Variants in RIF1 observed in about 807,000 individuals in gnomAD.
The protein encoded by RIF1 is telomere-associated protein RIF1.
A neutral mutation model predicts 247.1 loss-of-function variants in RIF1; 45 were observed. The ratio of observed to expected loss-of-function variants is 0.18; its 90% confidence interval spans 0.14 to 0.23. The LOEUF (loss-of-function observed/expected upper bound fraction) is 0.23, where lower values mean the gene tolerates loss of function less well. RIF1 is among the 10% of genes least tolerant of loss of function. RIF1 has a pLI of 1.00. For synonymous variants in RIF1, 1,087 were observed against 978.8 expected (o/e 1.11, Z -2.06); for missense variants, 2,967 against 2,862.5 (o/e 1.04, Z -0.83).
chr2:151,457,846 C>T lies in RIF1; in HGVS notation c.2738C>T (p.Ser913Phe). The change falls in exon 24 of 36, where the codon TCC becomes TTC. Residue 913 changes from serine to phenylalanine, a missense_variant. Coordinates refer to ENST00000444746, the MANE Select transcript of RIF1 (RefSeq NM_018151.5). ...TYDSELLEQL[S>F]PLLCIIFLHK... is the part of the protein sequence containing the mutation. The stretch of plus-strand genomic sequence containing the variant: ...GATAGTGAACTTCTTGAACAACTCT[C>T]CCCACTATTATGCATAATATTTCTG... 8 of 1,613,598 alleles carry T rather than the reference C, an allele frequency of 5.0e-6. No homozygotes were observed. Among genetic ancestry groups the T allele is most frequent in the Non-Finnish European group, 6.8e-6 (8 of 1,179,612 alleles).
In RIF1 at chr2:151,501,396, T is replaced by C. The variant is rs1357652737; in HGVS notation, c.*710-1638T>C. On this transcript the variant is annotated intron_variant and NMD_transcript_variant, in intron 11 of 13. Transcript: ENST00000454583. ...AAGAGCTTTCTCCCAAATACCGAGC[T>C]AAAGTTTTCTTGATTGAGTTTGACT... 5.8e-6 allele frequency: 9 copies of C among 1,547,222 alleles called. No homozygotes were observed. In the East Asian group the frequency reaches 1.7e-4, roughly 29 times the overall value.
At chr2:151,424,036 T>A (rs1688595774) in intron 8 of RIF1, among the ~76,000 whole-genome samples, 1 of 152,208 alleles carries the variant, frequency 6.6e-6, no homozygotes, top group Non-Finnish European at 1.5e-5. Flanking sequence ...TTATTCTAGG[T>A]ACCTCATAAA....
Position 151,468,059 on chromosome 2 carries a change from T to C in RIF1, c.6660T>C (p.Asp2220=), listed in dbSNP as rs767806758. ...IYQAGLADDI[D]RRCSIVRSHS... ...AAGCAGGATTGGCAGATGACATTGA[T>C]AGACGGTGCTCTATTGTTAGGTCCC... Residue 2220 remains aspartate, a synonymous_variant, in exon 31 of 36, where the codon GAT becomes GAC. Transcript: ENST00000444746. 2.5e-5 allele frequency: 41 copies of C among 1,613,722 alleles called. No individual in the cohort carries two copies. In the East Asian group the frequency reaches 8.7e-4, roughly 34 times the overall value.
In RIF1 at chr2:151,481,887, A is replaced by G. The variant is rs1399369663; in HGVS notation, c.*6816A>G. The stretch of plus-strand genomic sequence containing the variant: ...GAACAGTCTCATCCTGAAACCATCT[A>G]CCCCAACACCTGTGTCTGTGGAAAT... On this transcript the variant is annotated 3_prime_UTR_variant, in exon 36 of 36. Coordinates refer to ENST00000444746, the MANE Select transcript of RIF1 (RefSeq NM_018151.5). The G allele has an allele frequency of 3.9e-5, 6 of 152,122 alleles. No individual in the cohort carries two copies. Among genetic ancestry groups the G allele is most frequent in the African/African-American group, 1.4e-4 (6 of 41,420 alleles). The allele number at this position is 152,122 out of a possible 1,614,324, so 9.4% of individuals were successfully genotyped here. A position where few individuals can be genotyped will look rare whatever the true frequency, so the allele number is the denominator to read the frequency against.
At chr2:151,441,780 T>C in intron 15 of RIF1, 125 bp from the exon 16 acceptor site, 1 of 472,980 alleles carries the variant, frequency 2.1e-6, no homozygotes, top group Non-Finnish European at 3.9e-6. Context: ...TTTTAACTAA[T>C]GAGATTATAT....
At position 151,474,039 on chromosome 2, in the gene RIF1, T is replaced by C. The variant is rs1251334197; in HGVS notation, c.7171T>C (p.Ser2391Pro). The C allele has an allele frequency of 6.4e-7, 1 of 1,572,680 alleles. No homozygotes were observed. Among genetic ancestry groups the C allele is most frequent in the Admixed American group, 1.7e-5 (1 of 59,192 alleles). The change falls in exon 35 of 36, where the codon TCT becomes CCT. Residue 2391 changes from serine to proline, a missense_variant. Transcript: ENST00000444746. ...EKTVNGIENK[S>P]LSPDEERLVS... ...AACAGTAAATGGAATAGAAAATAAA[T>C]CTTTGTCACCTGATGAAGAAAGACT...
chr2:151,469,076 A>T (rs964211973), intron 33 of RIF1, among the ~76,000 whole-genome samples: 21 of 152,190 alleles, frequency 1.4e-4, no homozygotes, highest in African/African-American at 5.1e-4. Context: ...AAAGATTACC[A>T]GCAAAACCAC....
At chr2:151,501,523 A>G (rs752989502) in intron 11 of RIF1, 2 of 1,207,312 alleles carry the variant, frequency 1.7e-6, no homozygotes, top group South Asian at 4.6e-5. Flanking sequence ...ACCTGGACCC[A>G]TCATTTTTTA....
chr2:151,449,828 T>C (rs1693955187), intron 20 of RIF1, among the ~76,000 whole-genome samples: 2 of 149,692 alleles, frequency 1.3e-5, no homozygotes, highest in Non-Finnish European at 3.0e-5. Context: ...AGTGATCATA[T>C]AGACTACTTT....
At chr2:151,435,662 AAAGGCTTTGAG>A in intron 11 of RIF1, 82 bp downstream of exon 11, 1 of 734,030 alleles carries the variant, frequency 1.4e-6, no homozygotes, top group East Asian at 2.5e-5. Flanking sequence ...TAGGAAAAAA[AAAGGCTTTGAG>A]AGGTTTTGCT....
rs2049185906 is a variant in RIF1, at chr2:151,481,954, A to T, written c.*6883A>T. On this transcript the variant is annotated 3_prime_UTR_variant, in exon 36 of 36. Transcript: ENST00000444746. The stretch of plus-strand genomic sequence containing the variant: ...GTCCCTGTTGAAAAAAGGTTAGGGG[A>T]CCACTGCTTTATACAGTGTTTGAAG... 1 of 152,218 alleles carries T rather than the reference A, an allele frequency of 6.6e-6. No homozygotes were observed. Among genetic ancestry groups the T allele is most frequent in the African/African-American group, 2.4e-5 (1 of 41,452 alleles). 9.4% of individuals were successfully genotyped at this position (152,218 alleles called of 1,614,324 possible).
In RIF1 at chr2:151,422,982, G is replaced by C; in HGVS notation, c.726G>C (p.Met242Ile). 6.3e-7 allele frequency: 1 copy of C among 1,590,740 alleles called. No homozygotes were observed. The highest frequency in any genetic ancestry group is 8.6e-7 in the Non-Finnish European group (1 of 1,161,484). The change falls in exon 8 of 36, where the codon ATG becomes ATC. Residue 242 changes from methionine (M) to isoleucine (I), a missense_variant. Physicochemically the swap from Met to Ile is conservative, Grantham distance 10. Transcript: ENST00000444746. ...KLISELQKLF[M>I]SKNETYVLKL... The stretch of plus-strand genomic sequence containing the variant: ...TCTCAGAACTTCAGAAGCTATTTAT[G>C]AGTAAAAATGAGACTTACGTGTTAA...
intron 34 of RIF1, among the ~76,000 whole-genome samples, chr2:151,473,394 C>G (rs961564298): frequency 2.0e-5 from 3 of 149,298 alleles, no homozygotes; most frequent in Admixed American, 6.8e-5. Flanking sequence ...CTCCTGGACT[C>G]AAGCAGTTCT....
chr2:151,411,573 G>T lies in RIF1; in HGVS notation c.183+235G>T, dbSNP rs951118487. Among the ~76,000 whole-genome samples, 19 of 151,944 alleles carry T rather than the reference G, an allele frequency of 1.3e-4. 1 individual carries two copies. Among genetic ancestry groups the T allele is most frequent in the African/African-American group, 4.6e-4 (19 of 41,366 alleles). ...ATCCGCCACCGCCCCGGCTAATTTT[G>T]TATTTTTAGTAGAGAAGGGGTTTCT... On this transcript the variant is annotated intron_variant, in intron 3 of 35. Transcript: ENST00000444746.
In RIF1 at chr2:151,464,099, G is replaced by C. The variant is rs765742889; in HGVS notation, c.4579G>C (p.Glu1527Gln). The C allele has an allele frequency of 1.2e-6, 2 of 1,612,924 alleles. No individual in the cohort carries two copies. The highest frequency in any genetic ancestry group is 1.7e-6 in the Non-Finnish European group (2 of 1,179,766). Residue 1527 changes from glutamate (E) to glutamine (Q), a missense_variant, in exon 30 of 36, where the codon GAG (glutamate) becomes CAG (glutamine). This residue lies in a region of RIF1 where 2,028 missense variants were observed against 1,825.6 expected (regional missense o/e 1.11). Coordinates refer to ENST00000444746, the MANE Select transcript of RIF1 (RefSeq NM_018151.5). ...GTQDIVDKSS[E>Q]KLVRGRTRYQ... Reference sequence around the variant, plus strand: ...CCAGGACATTGTAGATAAGTCCTCTGAGAAACTAGTCAGAGGCCGAACACG... The same window carrying C: ...CCAGGACATTGTAGATAAGTCCTCTCAGAAACTAGTCAGAGGCCGAACACG...
At chr2:151,439,507 A>T (rs1484216316) in intron 14 of RIF1, among the ~76,000 whole-genome samples, 1 of 151,798 alleles carries the variant, frequency 6.6e-6, no homozygotes, top group Non-Finnish European at 1.5e-5. Context: ...TCTACTAAAA[A>T]TACGAAATTA....
intron 16 of RIF1, among the ~76,000 whole-genome samples, chr2:151,442,679 A>G (rs1464476300): frequency 6.6e-6 from 1 of 151,956 alleles, no homozygotes; most frequent in Non-Finnish European, 1.5e-5. Flanking sequence ...GTAAGTTTTA[A>G]ATCTATGTTC....
the RIF1 span, chr2:151,518,918 C>T: frequency 1.5e-6 from 2 of 1,345,550 alleles, no homozygotes; most frequent in Admixed American, 3.4e-5. Context: ...GAATTTAGTT[C>T]CAAATGGGTA....
chr2:151,507,045 T>G, intron 13 of RIF1: 3 of 1,272,896 alleles, frequency 2.4e-6, no homozygotes, highest in Middle Eastern at 2.5e-4. Context: ...CTTGTTAAGA[T>G]TTCAACATTG....
Sources: gnomAD v4.1 joint callset for allele counts (sites outside exome capture counted in the v4.1 genomes callset) on GRCh38, gnomAD v4.1.1 for gene constraint, gnomAD v4.1.1 regional missense constraint, MANE v1.5 for transcripts, NCBI Gene and HGNC (gene_info 2026-07-23, HGNC 2026-07-21) for gene names.